Variants in ST14 observed in about 807,000 individuals in gnomAD.
ST14 encodes the protein ST14 transmembrane serine protease matriptase.
In ST14, 40 loss-of-function variants were observed where a neutral mutation model predicts 96.5. That is an observed-to-expected ratio of 0.41 (90% CI 0.32 to 0.54). The LOEUF is 0.54. ST14 is among the 20% of genes least tolerant of loss of function. ST14 has a pLI of 0.17. For synonymous variants in ST14, 506 were observed against 492.1 expected, an observed-to-expected ratio of 1.03 and a Z score of -0.37; for missense variants, 1,066 against 1,188.9, an observed-to-expected ratio of 0.90 and a Z score of 1.52.
rs1953473534 is a variant in ST14 at position 130,205,258 on chromosome 11, C to T, written c.1995-3152C>T. Among the ~76,000 whole-genome samples the T allele has an allele frequency of 2.0e-5, 3 of 152,144 alleles. No individual in the cohort carries two copies. In the South Asian group the frequency reaches 6.2e-4, roughly 31 times the overall value. ...TCTCCTGCCTCAGCCTCCGGAGTAG[C>T]TGGGACTACAGGTGTGCGCCACCTT... On this transcript the variant is annotated intron_variant, in intron 16 of 18. Transcript: ENST00000278742.
chr11:130,210,124 T>G lies in ST14; in HGVS notation c.*301T>G. ...AGCTGGGCCGAGGCGCGTTTGTGCA[T>G]ATCTGCCTCCCCTGTCTCTAAGGAG... On this transcript the variant is annotated 3_prime_UTR_variant, in exon 19 of 19. Coordinates refer to ENST00000278742, the MANE Select transcript of ST14 (RefSeq NM_021978.4). 1 of 362,446 alleles carries G rather than the reference T, an allele frequency of 2.8e-6. No individual in the cohort carries two copies. Among genetic ancestry groups the G allele is most frequent in the Non-Finnish European group, 5.1e-6 (1 of 194,960 alleles). The allele number at this position is 362,446 out of a possible 1,614,324, so 22.5% of individuals were successfully genotyped here.
At chr11:130,170,596 C>T (rs1205809685) in intron 1 of ST14, among the ~76,000 whole-genome samples, 1 of 151,960 alleles carries the variant, frequency 6.6e-6, no homozygotes, top group Non-Finnish European at 1.5e-5. Context: ...GGAGGGCAGG[C>T]AGGTTCGGTA....
At chr11:130,170,624 G>A (rs1031855459) in intron 1 of ST14, among the ~76,000 whole-genome samples, 3 of 151,910 alleles carry the variant, frequency 2.0e-5, no homozygotes, top group Non-Finnish European at 4.4e-5. Context: ...GGGGAGCCCA[G>A]CCATTCCGAG....
chr11:130,198,446 C>G, intron 13 of ST14, 28 bp downstream of exon 13: 2 of 1,518,778 alleles, frequency 1.3e-6, no homozygotes, highest in Non-Finnish European at 1.8e-6. Context: ...GCTGCCTGGG[C>G]GGGCAGGTGG....
intron 1 of ST14, among the ~76,000 whole-genome samples, chr11:130,169,485 G>T (rs1167579638): frequency 2.0e-5 from 3 of 152,182 alleles, no homozygotes; most frequent in African/African-American, 7.2e-5. Flanking sequence ...CAGGAGGGAG[G>T]TGGCTGTGGT....
rs950464674 is a variant in ST14 at position 130,189,845 on chromosome 11, C to T, written c.547C>T (p.Pro183Ser). The T allele has an allele frequency of 1.2e-6, 2 of 1,613,922 alleles. No individual in the cohort carries two copies. The highest frequency in any genetic ancestry group is 1.7e-5 in the Admixed American group (1 of 60,026). ...CGAGGAGCGCGTAGTCATGCTGCCCCCGCGGGCGCGCTCCCTGAAGTCCTT... is the reference window on the plus strand; with the variant it reads ...CGAGGAGCGCGTAGTCATGCTGCCCTCGCGGGCGCGCTCCCTGAAGTCCTT... ...MAEERVVMLPPRARSLKSFVV... is the reference protein window; with the variant it reads ...MAEERVVMLPSRARSLKSFVV... The change falls in exon 5 of 19, where the codon CCG (proline) becomes TCG (serine). Residue 183 changes from proline (P) to serine (S), a missense_variant. Physicochemically the swap from Pro to Ser is moderately conservative, Grantham distance 74 (BLOSUM62 -1). Transcript: ENST00000278742.
intron 1 of ST14, among the ~76,000 whole-genome samples, chr11:130,183,082 G>T (rs12795266): frequency 1.3e-5 from 2 of 151,446 alleles, no homozygotes; most frequent in South Asian, 2.1e-4. Context: ...TCAGCCCCCC[G>T]AGTAGCTGGG....
rs746310243 is a variant in ST14 at position 130,188,961 on chromosome 11, A to C, written c.440+22A>C. ...TCAGGTGGGTGTGGAGAGAAGGCTC[A>C]GTGGGATGCACCCCAGACTGGCTGG... On this transcript the variant is annotated intron_variant, in intron 4 of 18. Transcript: ENST00000278742. This position sits in a 1 kb window ranked among gnomAD's most constrained non-coding sequence, Gnocchi z 5.4. 1.7e-5 allele frequency: 27 copies of C among 1,600,432 alleles called. No homozygotes were observed. In the Admixed American group the frequency reaches 4.0e-4, roughly 24 times the overall value.
At chr11:130,175,146 C>T (rs879602601) in intron 1 of ST14, among the ~76,000 whole-genome samples, 1 of 152,104 alleles carries the variant, frequency 6.6e-6, no homozygotes, top group Non-Finnish European at 1.5e-5. Flanking sequence ...CACGTGCCAT[C>T]CCTAAGATAG....
intron 16 of ST14, among the ~76,000 whole-genome samples, chr11:130,206,573 T>C (rs1335007921): frequency 6.6e-6 from 1 of 151,566 alleles, no homozygotes; most frequent in African/African-American, 2.4e-5. Flanking sequence ...TTTTCTTTTT[T>C]TTTTTCTTTT....
Position 130,168,829 on chromosome 11 carries a change from C to A in ST14, c.81+8769C>A, listed in dbSNP as rs76302947. 9.7e-3 allele frequency among the ~76,000 whole-genome samples: 1,477 copies of A among 152,152 alleles called. 20 individuals carry two copies. The highest frequency in any genetic ancestry group is 0.034 in the African/African-American group (1,426 of 41,494). On this transcript the variant is annotated intron_variant, in intron 1 of 18. Transcript: ENST00000278742. ...CCAAAACAGGTGCTCAGATTTGTAG[C>A]CATGGAAGCGTGTTTTAGAACTTAC...
rs1953260106 is a variant in ST14, at chr11:130,188,451, C to T, written c.242-79C>T. On this transcript the variant is annotated intron_variant, in intron 2 of 18. Coordinates refer to ENST00000278742, the MANE Select transcript of ST14 (RefSeq NM_021978.4). The surrounding 1 kb of genome is among the most constrained non-coding windows in gnomAD (Gnocchi z 5.4). Reference sequence around the variant, plus strand: ...TGACCCATGGCCCCCTCCTGGCATTCATTCCCCATTGTGGACGGCGAGGGA... The same window carrying T: ...TGACCCATGGCCCCCTCCTGGCATTTATTCCCCATTGTGGACGGCGAGGGA... The T allele has an allele frequency of 6.2e-7, 1 of 1,608,470 alleles. No homozygotes were observed. The highest frequency in any genetic ancestry group is 1.3e-5 in the African/African-American group (1 of 75,014).
At chr11:130,189,687 G>C (rs1202301364) in intron 4 of ST14, 52 bp from the exon 5 acceptor site, 2 of 1,600,722 alleles carry the variant, frequency 1.2e-6, no homozygotes, top group South Asian at 2.2e-5. Flanking sequence ...CTGGGCGCAC[G>C]TGGGGGAAAT....
chr11:130,200,256 A>G lies in ST14; in HGVS notation c.1994+119A>G. 4 of 1,145,556 alleles carry G rather than the reference A, an allele frequency of 3.5e-6. No homozygotes were observed. In the South Asian group the frequency reaches 5.5e-5, roughly 16 times the overall value. 71.0% of individuals were successfully genotyped at this position (1,145,556 alleles called of 1,614,324 possible). On this transcript the variant is annotated intron_variant, in intron 16 of 18. Transcript: ENST00000278742. ...GAGGGGTGGCCACATGTGTTAGTCC[A>G]TTCTTGAGTTGCTCTAAAGAAATAC...
At chr11:130,186,414 T>C (rs1953238530) in intron 1 of ST14, among the ~76,000 whole-genome samples, 1 of 152,186 alleles carries the variant, frequency 6.6e-6, no homozygotes, top group Non-Finnish European at 1.5e-5. Context: ...GTGAAGGAAG[T>C]TCCAGACAAC....
chr11:130,172,659 C>T (rs565605493), intron 1 of ST14, among the ~76,000 whole-genome samples: 7 of 152,090 alleles, frequency 4.6e-5, no homozygotes, highest in East Asian at 1.9e-4. Context: ...TCTCGTGATC[C>T]GCCCGCCTCA....
At chr11:130,171,751 G>T (rs1953094101) in intron 1 of ST14, among the ~76,000 whole-genome samples, 1 of 152,190 alleles carries the variant, frequency 6.6e-6, no homozygotes. Context: ...AGAGCCTCGG[G>T]CACACAGGCT....
intron 16 of ST14, among the ~76,000 whole-genome samples, chr11:130,204,949 G>T (rs1438264109): frequency 3.3e-5 from 5 of 152,114 alleles, no homozygotes; most frequent in Non-Finnish European, 7.4e-5. Context: ...CTGGCTGGGT[G>T]GTTCAGTAAC....
At chr11:130,206,274 T>A (rs1278227078) in intron 16 of ST14, among the ~76,000 whole-genome samples, 2 of 152,182 alleles carry the variant, frequency 1.3e-5, no homozygotes, top group Non-Finnish European at 2.9e-5. Context: ...GGATCCCCCG[T>A]GAAGGGGGCT....
Sources: gnomAD v4.1 joint callset for allele counts (sites outside exome capture counted in the v4.1 genomes callset) on GRCh38, gnomAD v4.1.1 for gene constraint, Gnocchi (gnomAD v3.1) non-coding constraint, MANE v1.5 for transcripts, NCBI Gene and HGNC (gene_info 2026-07-23, HGNC 2026-07-21) for gene names.